TRANK1: variants seen among roughly 807,000 people sequenced by gnomAD.
The protein encoded by TRANK1 is TPR and ankyrin repeat-containing protein 1.
In TRANK1, 198 loss-of-function variants were observed where a neutral mutation model predicts 266.0. The ratio of observed to expected loss-of-function variants is 0.74; its 90% CI spans 0.66 to 0.84. The LOEUF (loss-of-function observed/expected upper bound fraction) is 0.84, where lower values mean the gene tolerates loss of function less well. Ranked by LOEUF, TRANK1 falls within the 40% of genes least tolerant of loss-of-function variation. TRANK1 has a pLI of 0.00. For missense variants in TRANK1, 3,326 were observed against 3,634.6 expected, an observed-to-expected ratio of 0.92 and a Z score of 2.18; for synonymous variants, 1,396 against 1,384.1, an observed-to-expected ratio of 1.01 and a Z score of -0.19.
intron 6 of TRANK1, 58 bp from the exon 7 acceptor site, chr3:36,892,398 C>T: frequency 1.3e-6 from 2 of 1,526,190 alleles, no homozygotes; most frequent in African/African-American, 1.4e-5. Flanking sequence ...TATGAAGCTT[C>T]AAACTCCTTT....
intron 10 of TRANK1, among the ~76,000 whole-genome samples, chr3:36,862,987 G>C (rs971764134): frequency 1.3e-5 from 2 of 151,854 alleles, no homozygotes; most frequent in Non-Finnish European, 2.9e-5. Flanking sequence ...CCTACCCTAC[G>C]GCCAGTTAAG....
At position 36,892,337 on chromosome 3, in the gene TRANK1, A is replaced by G. The variant is rs1278629311; in HGVS notation, c.640T>C (p.Tyr214His). 6.5e-7 allele frequency: 1 copy of G among 1,536,876 alleles called. No individual in the cohort carries two copies. The highest frequency in any genetic ancestry group is 8.7e-7 in the Non-Finnish European group (1 of 1,146,858). ...ELSLKSLFEK[Y>H]VFIGLYEKME... ...TTCTCATAAAGTCCAATGAAAACGT[A>G]TTTCTGGGGAAAAAAAACACACAGG... The change falls in exon 7 of 24, where the codon TAC becomes CAC. Residue 214 changes from tyrosine to histidine, a missense_variant. By Grantham distance (83) the Tyr-to-His change is moderately conservative (BLOSUM62 2). Coordinates refer to ENST00000645898, the MANE Select transcript of TRANK1 (RefSeq NM_001329998.2).
chr3:36,934,334 C>G (rs781284828), intron 1 of TRANK1, among the ~76,000 whole-genome samples: 44 of 152,200 alleles, frequency 2.9e-4, no homozygotes, highest in Non-Finnish European at 5.0e-4. Flanking sequence ...AGGCAGAAAG[C>G]GGGGCTCCTA....
intron 11 of TRANK1, among the ~76,000 whole-genome samples, 170 bp from the exon 12 acceptor site, chr3:36,859,064 C>G (rs1185323667): frequency 6.6e-6 from 1 of 152,198 alleles, no homozygotes; most frequent in Non-Finnish European, 1.5e-5. Context: ...CTGCCAGTAG[C>G]CACAAAGTGA....
At chr3:36,903,367 G>A in intron 2 of TRANK1, 92 bp from the exon 3 acceptor site, 1 of 1,446,572 alleles carries the variant, frequency 6.9e-7, no homozygotes, top group Non-Finnish European at 9.2e-7. Context: ...GCTGCCATCA[G>A]GAAGGGGGTT....
In TRANK1 at chr3:36,856,735, T is replaced by A. The variant is rs755894682; in HGVS notation, c.2987A>T (p.Tyr996Phe). Residue 996 changes from tyrosine (Y) to phenylalanine (F), a missense_variant, in exon 13 of 24, where the codon TAT becomes TTT. Tyr to Phe is a conservative substitution (Grantham distance 22). Transcript: ENST00000645898. ...CTTCTCGGCCTCTGTGTCCTCCACA[T>A]AGCAGCGAGGTATACGCTTTTGAAT... is the stretch of plus-strand genomic sequence containing the variant. ...MKIQKRIPRC[Y>F]VEDTEAEKGR... 6.2e-7 allele frequency: 1 copy of A among 1,614,068 alleles called. No homozygotes were observed. The highest frequency in any genetic ancestry group is 1.7e-5 in the Admixed American group (1 of 60,030).
chr3:36,831,998 G>A lies in TRANK1; in HGVS notation c.7585C>T (p.Leu2529Phe), dbSNP rs768892562. The change falls in exon 22 of 24, where the codon CTC (leucine) becomes TTC (phenylalanine). Residue 2529 changes from leucine to phenylalanine, a missense_variant. Transcript: ENST00000645898. The surrounding 1 kb of genome is among the most constrained non-coding windows in gnomAD (Gnocchi z 5.0). ...TCATAGCCACATAGCACCTTGGCGA[G>A]GTAGGAGAGATGGAACCGGAAATCC... The part of the protein sequence containing the change: ...IQDFRFHLSY[L>F]AKVLCGYENV... 6.2e-7 allele frequency: 1 copy of A among 1,614,030 alleles called. No homozygotes were observed.
At position 36,879,839 on chromosome 3, in the gene TRANK1, C is replaced by T. The variant is rs111215408; in HGVS notation, c.908-5543G>A. Among the ~76,000 whole-genome samples, 38 of 97,658 alleles carry T rather than the reference C, an allele frequency of 3.9e-4. 5 individuals carry two copies. Among genetic ancestry groups the T allele is most frequent in the South Asian group, 9.0e-4 (3 of 3,328 alleles). 64.1% of individuals were successfully genotyped at this position (97,658 alleles called of 152,430 possible). On this transcript the variant is annotated intron_variant, in intron 8 of 23. Coordinates refer to ENST00000645898, the MANE Select transcript of TRANK1 (RefSeq NM_001329998.2). ...AAATATACAAATATATGTAAATATA[C>T]AAATATATGTAAATATACAAATATA...
At chr3:36,860,659 C>A (rs2079129454) in intron 11 of TRANK1, among the ~76,000 whole-genome samples, 1 of 150,502 alleles carries the variant, frequency 6.6e-6, no homozygotes, top group African/African-American at 2.5e-5. Flanking sequence ...AAGAGAACAC[C>A]TGATGTTTCC....
chr3:36,858,055 A>T lies in TRANK1; in HGVS notation c.1673-6T>A, dbSNP rs2125547541. On this transcript the variant is annotated splice_polypyrimidine_tract_variant and splice_region_variant and intron_variant, in intron 12 of 23. Transcript: ENST00000645898. ...GAAGCTAAAACCAATGTCAGCTGAA[A>T]GACACAAACAAAACCCTGTGAGCAC... 6.6e-7 allele frequency: 1 copy of T among 1,525,444 alleles called. No homozygotes were observed. The highest frequency in any genetic ancestry group is 8.8e-7 in the Non-Finnish European group (1 of 1,141,060). The allele number at this position is 1,525,444 out of a possible 1,614,324, so 94.5% of individuals were successfully genotyped here.
At position 36,911,233 on chromosome 3, in the gene TRANK1, T is replaced by C. The variant is rs1017670800; in HGVS notation, c.24-2779A>G. ...AGGCCTATAAGGTTGAAAAGGCATA[T>C]AATCCCAAATTGTTTTAAATACATA... On this transcript the variant is annotated intron_variant, in intron 1 of 23. Coordinates refer to ENST00000645898, the MANE Select transcript of TRANK1 (RefSeq NM_001329998.2). Among the ~76,000 whole-genome samples, 9 of 152,350 alleles carry C rather than the reference T, an allele frequency of 5.9e-5. No homozygotes were observed. In the East Asian group the frequency reaches 1.5e-3, roughly 26 times the overall value.
intron 7 of TRANK1, among the ~76,000 whole-genome samples, chr3:36,890,434 G>A (rs2125603360): frequency 1.3e-5 from 2 of 152,256 alleles, no homozygotes; most frequent in Middle Eastern, 6.8e-3. Context: ...GAATCCCCAT[G>A]TCAGTCAATC....
chr3:36,857,020 C>A lies in TRANK1; in HGVS notation c.2702G>T (p.Trp901Leu), dbSNP rs754506714. 6.2e-7 allele frequency: 1 copy of A among 1,613,960 alleles called. No individual in the cohort carries two copies. The highest frequency in any genetic ancestry group is 1.7e-5 in the Admixed American group (1 of 60,020). ...AKLDKGARMLWELAIDFSPRC... is the reference protein window; with the variant it reads ...AKLDKGARMLLELAIDFSPRC... The stretch of plus-strand genomic sequence containing the variant: ...AGGGGAGAAGTCAATGGCGAGCTCC[C>A]AGAGCATCCGGGCTCCTTTGTCCAG... The change falls in exon 13 of 24, where the codon TGG becomes TTG. Residue 901 changes from tryptophan to leucine, a missense_variant. By Grantham distance (61) the Trp-to-Leu change is moderately conservative. Transcript: ENST00000645898. The surrounding 1 kb of genome is among the most constrained non-coding windows in gnomAD (Gnocchi z 4.3).
At chr3:36,938,544 C>A (rs2080455417) in intron 1 of TRANK1, among the ~76,000 whole-genome samples, 1 of 151,976 alleles carries the variant, frequency 6.6e-6, no homozygotes, top group Admixed American at 6.6e-5. Flanking sequence ...AACACTAGTT[C>A]ATAGTTTCCT....
rs773430820 is a variant in TRANK1, at chr3:36,842,673, A to G, written c.5229T>C (p.Pro1743=). ...AATCTCCCTGTGCAATCCACTCCGC[A>G]GGAGTTGAGGTCTTAACGAACATGC... The part of the protein sequence containing the change: ...DDSMFVKTST[P]AEWIAQGDYY... The change falls in exon 18 of 24, where the codon CCT becomes CCC. Residue 1743 remains proline, a synonymous_variant. Coordinates refer to ENST00000645898, the MANE Select transcript of TRANK1 (RefSeq NM_001329998.2). 3.7e-6 allele frequency: 6 copies of G among 1,613,988 alleles called. No individual in the cohort carries two copies. Among genetic ancestry groups the G allele is most frequent in the Non-Finnish European group, 5.1e-6 (6 of 1,179,870 alleles).
chr3:36,861,407 T>C (rs967827485), intron 10 of TRANK1, among the ~76,000 whole-genome samples: 2 of 152,222 alleles, frequency 1.3e-5, no homozygotes, highest in South Asian at 4.1e-4. Context: ...GATGACTGTG[T>C]CTTAACGCAG....
chr3:36,878,445 C>G lies in TRANK1; in HGVS notation c.908-4149G>C, dbSNP rs577738830. Among the ~76,000 whole-genome samples, 3 of 152,336 alleles carry G rather than the reference C, an allele frequency of 2.0e-5. No individual in the cohort carries two copies. The South Asian group carries it at 6.2e-4, about 32-fold the overall frequency. Reference sequence around the variant, plus strand: ...CTAAACTACCAACATCTCTAACCATCTGATTAGTTTCCGTGAGCAACGTCT... The same window carrying G: ...CTAAACTACCAACATCTCTAACCATGTGATTAGTTTCCGTGAGCAACGTCT... On this transcript the variant is annotated intron_variant, in intron 8 of 23. Coordinates refer to ENST00000645898, the MANE Select transcript of TRANK1 (RefSeq NM_001329998.2).
intron 11 of TRANK1, among the ~76,000 whole-genome samples, chr3:36,859,912 C>A (rs973771782): frequency 2.0e-5 from 3 of 152,186 alleles, no homozygotes; most frequent in African/African-American, 7.2e-5. Context: ...GAGCCAACAC[C>A]TAAAGGCTCT....
chr3:36,911,395 TCAAA>T (rs1372222200), intron 1 of TRANK1, among the ~76,000 whole-genome samples: 1 of 152,172 alleles, frequency 6.6e-6, no homozygotes, highest in Admixed American at 6.5e-5. Flanking sequence ...ATAAATGTTA[TCAAA>T]CAGACTCTTT....
Sources: allele counts gnomAD v4.1 joint callset (sites outside exome capture counted in the v4.1 genomes callset), GRCh38; gene constraint gnomAD v4.1.1; non-coding constraint Gnocchi (gnomAD v3.1); transcripts MANE v1.5; gene names NCBI Gene and HGNC (gene_info 2026-07-23, HGNC 2026-07-21).